The following RORA variants were observed in gnomAD, a reference collection of about 807,000 sequenced individuals.
RORA encodes RAR related orphan receptor A.
In RORA, 7 loss-of-function variants were observed where a neutral mutation model predicts 69.5. The observed-to-expected ratio is 0.10, with a 90% CI of 0.06 to 0.19. The LOEUF (loss-of-function observed/expected upper bound fraction) is 0.19, where lower values mean the gene tolerates loss of function less well. Among genes scored for constraint, RORA ranks in the 10% least tolerant of loss-of-function variants. The pLI is 1.00. For missense variants in RORA, 457 were observed against 663.0 expected, an observed-to-expected ratio of 0.69 and a Z score of 3.41; for synonymous variants, 261 against 240.8, an observed-to-expected ratio of 1.08 and a Z score of -0.78.
chr15:60,905,176 T>C lies in RORA; in HGVS notation c.167-226490A>G, dbSNP rs919739357. ...ACCCCTCTTCTTCTTTTAATTGATA[T>C]GCAGTCTTAGCCCTGTTATCATCTC... On this transcript the variant is annotated intron_variant, in intron 1 of 10. Transcript: ENST00000335670. The surrounding 1 kb of genome is among the most constrained non-coding windows in gnomAD (Gnocchi z 4.8). 5.3e-5 allele frequency among the ~76,000 whole-genome samples: 8 copies of C among 152,210 alleles called. No individual in the cohort carries two copies. Among genetic ancestry groups the C allele is most frequent in the African/African-American group, 1.9e-4 (8 of 41,444 alleles).
At position 61,213,266 on chromosome 15, in the gene RORA, TC is replaced by T. The variant is rs1302117883; in HGVS notation, c.166+15786del. ...GAGTCAACTCTTCTTCGCCTTCCAC[TC>T]CCAACCCTCACCCCAGTCTTGGCCT... On this transcript the variant is annotated intron_variant, in intron 1 of 10. Coordinates refer to ENST00000335670, the MANE Select transcript of RORA (RefSeq NM_134261.3). The surrounding 1 kb of genome is among the most constrained non-coding windows in gnomAD (Gnocchi z 4.1). 6.6e-6 allele frequency among the ~76,000 whole-genome samples: 1 copy of T among 152,084 alleles called. No homozygotes were observed. Among genetic ancestry groups the T allele is most frequent in the Non-Finnish European group, 1.5e-5 (1 of 68,026 alleles).
chr15:61,133,491 G>A (rs1037433470), intron 1 of RORA, among the ~76,000 whole-genome samples: 15 of 152,176 alleles, frequency 9.9e-5, no homozygotes, highest in African/African-American at 3.6e-4. Flanking sequence ...CATCTATGAG[G>A]ATAAAGAAAC....
At chr15:60,810,681 G>A (rs558656349) in intron 1 of RORA, among the ~76,000 whole-genome samples, 7 of 146,916 alleles carry the variant, frequency 4.8e-5, no homozygotes, top group South Asian at 2.1e-4. Flanking sequence ...ATCTTTCTGT[G>A]TTTTTTAAAG....
At chr15:60,887,814 AG>A (rs1312998374) in intron 1 of RORA, among the ~76,000 whole-genome samples, 1 of 152,182 alleles carries the variant, frequency 6.6e-6, no homozygotes, top group African/African-American at 2.4e-5. Flanking sequence ...GGGCATCAGC[AG>A]GAGAAGATGT....
At chr15:61,022,315 TAC>T (rs1895567579) in intron 1 of RORA, among the ~76,000 whole-genome samples, 1 of 152,216 alleles carries the variant, frequency 6.6e-6, no homozygotes, top group Non-Finnish European at 1.5e-5. Context: ...TATTAATTAA[TAC>T]AAACATGTTC....
intron 2 of RORA, among the ~76,000 whole-genome samples, chr15:60,620,849 G>T (rs2069384774): frequency 6.6e-6 from 1 of 152,244 alleles, no homozygotes; most frequent in South Asian, 2.1e-4. Flanking sequence ...ACAGCCCGGA[G>T]CTCCGCCTCC....
chr15:60,952,688 A>G (rs1260226205), intron 1 of RORA, among the ~76,000 whole-genome samples: 2 of 151,956 alleles, frequency 1.3e-5, no homozygotes, highest in East Asian at 1.9e-4. Context: ...ACTCCCATTC[A>G]TAATTGCTAC....
intron 1 of RORA, among the ~76,000 whole-genome samples, chr15:61,144,177 A>G (rs765016114): frequency 2.0e-5 from 3 of 152,188 alleles, no homozygotes; most frequent in Non-Finnish European, 4.4e-5. Context: ...ATTGGGGAGT[A>G]TTCTCAGGAT....
At chr15:61,100,425 G>A (rs911965964) in intron 1 of RORA, among the ~76,000 whole-genome samples, 37 of 152,212 alleles carry the variant, frequency 2.4e-4, no homozygotes, top group Admixed American at 1.4e-3. Context: ...CGGCCTGAGC[G>A]GTCAATTTTT....
At chr15:60,650,729 C>A (rs1228119033) in intron 2 of RORA, 1 of 152,168 alleles carries the variant, frequency 6.6e-6, no homozygotes, top group Non-Finnish European at 1.5e-5. Flanking sequence ...AGATTTAGTA[C>A]ATGGTTGAAT....
intron 1 of RORA, among the ~76,000 whole-genome samples, chr15:61,084,930 C>T (rs1438388099): frequency 1.3e-5 from 2 of 151,638 alleles, no homozygotes; most frequent in Non-Finnish European, 2.9e-5. Context: ...TTTCCCTCTC[C>T]AGCCTGGCTG....
intron 2 of RORA, among the ~76,000 whole-genome samples, chr15:60,626,052 C>T (rs562629208): frequency 1.2e-4 from 18 of 152,348 alleles, no homozygotes; most frequent in African/African-American, 4.3e-4. Flanking sequence ...TCTCAGCACG[C>T]TGCTGCCTCA....
chr15:60,643,267 C>A (rs2069977517), intron 2 of RORA, among the ~76,000 whole-genome samples: 1 of 152,278 alleles, frequency 6.6e-6, no homozygotes, highest in East Asian at 1.9e-4. Context: ...CAATAGTGTT[C>A]TTTCTACTCT....
chr15:61,108,896 C>G (rs1203705264), intron 1 of RORA, among the ~76,000 whole-genome samples: 1 of 152,146 alleles, frequency 6.6e-6, no homozygotes, highest in Non-Finnish European at 1.5e-5. Flanking sequence ...CACTAACCAG[C>G]AGCACCATAT....
rs1567047261 is a variant in RORA, at chr15:60,511,903, C to G, written c.425-282G>C. On this transcript the variant is annotated intron_variant, in intron 4 of 10. Coordinates refer to ENST00000335670, the MANE Select transcript of RORA (RefSeq NM_134261.3). The surrounding 1 kb of genome is among the most constrained non-coding windows in gnomAD (Gnocchi z 6.4). ...GATGCCACTTCTGTTTCCCTGCTGTCACATCCCCCGTTTCCACTGCGCCCC... is the reference window on the plus strand; with the variant it reads ...GATGCCACTTCTGTTTCCCTGCTGTGACATCCCCCGTTTCCACTGCGCCCC... 2 of 362,764 alleles carry G rather than the reference C, an allele frequency of 5.5e-6. No homozygotes were observed. Among genetic ancestry groups the G allele is most frequent in the East Asian group, 1.2e-4 (2 of 16,520 alleles). The allele number at this position is 362,764 out of a possible 1,614,324, so 22.5% of individuals were successfully genotyped here.
chr15:60,928,667 G>C (rs1420112428), intron 1 of RORA, among the ~76,000 whole-genome samples: 2 of 152,176 alleles, frequency 1.3e-5, no homozygotes, highest in Non-Finnish European at 2.9e-5. Context: ...TCACAAGGAA[G>C]GCATCTGAAG....
intron 1 of RORA, among the ~76,000 whole-genome samples, chr15:60,968,444 T>A (rs1445198761): frequency 1.3e-5 from 2 of 152,172 alleles, no homozygotes; most frequent in Middle Eastern, 3.2e-3. Context: ...TGATTCTAAT[T>A]CTGCTGGTTT....
chr15:60,545,484 G>T (rs1372479738), intron 2 of RORA, among the ~76,000 whole-genome samples: 2 of 152,190 alleles, frequency 1.3e-5, no homozygotes, highest in East Asian at 3.9e-4. Context: ...TGAGTTGTCA[G>T]TTAGGCTAGA....
At chr15:60,936,100 G>A (rs1437434250) in intron 1 of RORA, among the ~76,000 whole-genome samples, 3 of 152,150 alleles carry the variant, frequency 2.0e-5, no homozygotes, top group East Asian at 3.9e-4. Flanking sequence ...GCATAGTAAC[G>A]AAACCATCAG....
Sources: allele counts gnomAD v4.1 joint callset (sites outside exome capture counted in the v4.1 genomes callset), GRCh38; gene constraint gnomAD v4.1.1; non-coding constraint Gnocchi (gnomAD v3.1); transcripts MANE v1.5; gene names NCBI Gene and HGNC (gene_info 2026-07-23, HGNC 2026-07-21).